Variants in CHMP7 observed in about 807,000 individuals in gnomAD.
The protein encoded by CHMP7 is charged multivesicular body protein 7.
In CHMP7, 15 loss-of-function variants were observed where a neutral mutation model predicts 53.7. That is an observed-to-expected ratio of 0.28 (90% CI 0.19 to 0.43). The LOEUF (loss-of-function observed/expected upper bound fraction) is 0.43. Among genes scored for constraint, CHMP7 ranks in the 20% least tolerant of loss-of-function variants. The pLI is 1.00. For synonymous variants in CHMP7, 261 were observed against 228.0 expected (o/e 1.14, Z -1.30); for missense variants, 527 against 569.4 (o/e 0.93, Z 0.76).
Position 23,260,785 on chromosome 8 carries a change from T to A in CHMP7, c.*186T>A. On this transcript the variant is annotated 3_prime_UTR_variant, in exon 11 of 11. Coordinates refer to ENST00000397677, the MANE Select transcript of CHMP7 (RefSeq NM_152272.5). ...TTCTGGAAGCGATGCTCCAAAGGCT[T>A]GCTCCCAGCTGTATCATGGACCTGC... 1.6e-6 allele frequency: 1 copy of A among 618,536 alleles called. No homozygotes were observed. Among genetic ancestry groups the A allele is most frequent in the East Asian group, 2.7e-5 (1 of 36,728 alleles). 38.3% of individuals were successfully genotyped at this position (618,536 alleles called of 1,614,324 possible).
At position 23,261,080 on chromosome 8, in the gene CHMP7, AATACTT is replaced by A. The variant is rs138642185; in HGVS notation, c.*483_*488del. On this transcript the variant is annotated 3_prime_UTR_variant, in exon 11 of 11. Coordinates refer to ENST00000397677, the MANE Select transcript of CHMP7 (RefSeq NM_152272.5). ...ATTTCACTGGTAAGAATGAGAATGA[AATACTT>A]AAAGGTTTTATTTGAGGGGACTTAG... 0.053 allele frequency: 8,563 copies of A among 160,526 alleles called. 320 individuals carry two copies. Among genetic ancestry groups the A allele is most frequent in the Non-Finnish European group, 0.08 (5,860 of 73,092 alleles). 9.9% of individuals were successfully genotyped at this position (160,526 alleles called of 1,614,324 possible).
intron 1 of CHMP7, among the ~76,000 whole-genome samples, chr8:23,245,777 T>C (rs1306901785): frequency 3.9e-5 from 6 of 152,268 alleles, no homozygotes; most frequent in Admixed American, 6.5e-5. Flanking sequence ...TGGATGTTGT[T>C]AATTATTGAT....
rs1802128882 is a variant in CHMP7, at chr8:23,256,450, T to C, written c.658-10T>C. 1 of 1,595,054 alleles carries C rather than the reference T, an allele frequency of 6.3e-7. No homozygotes were observed. Among genetic ancestry groups the C allele is most frequent in the East Asian group, 2.2e-5 (1 of 44,788 alleles). The stretch of plus-strand genomic sequence containing the variant: ...GGTAGCAGCAGTAGTAATTTCTCCC[T>C]GTCCCTCAGATTGTGAAGTTTGCCC... On this transcript the variant is annotated splice_polypyrimidine_tract_variant and intron_variant, in intron 4 of 10. Coordinates refer to ENST00000397677, the MANE Select transcript of CHMP7 (RefSeq NM_152272.5).
chr8:23,249,749 A>G (rs1801846424), intron 3 of CHMP7, among the ~76,000 whole-genome samples: 1 of 152,106 alleles, frequency 6.6e-6, no homozygotes, highest in South Asian at 2.1e-4. Flanking sequence ...AAACTGGCCC[A>G]CTCAGCTCCA....
At chr8:23,255,022 C>T (rs1802068403) in intron 3 of CHMP7, 1 of 582,568 alleles carries the variant, frequency 1.7e-6, no homozygotes, top group Non-Finnish European at 3.1e-6. Flanking sequence ...GAGCTGGCTC[C>T]CAGCATCTCA....
chr8:23,255,509 G>C, intron 4 of CHMP7, 77 bp downstream of exon 4: 1 of 1,457,608 alleles, frequency 6.9e-7, no homozygotes, highest in Non-Finnish European at 9.5e-7. Context: ...CCTTATCTCA[G>C]ATTTTGGTTT....
rs561777802 is a variant in CHMP7, at chr8:23,259,306, C to T, written c.1120+180C>T. On this transcript the variant is annotated intron_variant, in intron 9 of 10. Transcript: ENST00000397677. ...GCCTCAGCCTCCCAAGTAGCTGGGA[C>T]TACAGGCGCCTGCCACTATGCCCGG... Among the ~76,000 whole-genome samples the T allele has an allele frequency of 3.2e-3, 466 of 146,886 alleles. 2 individuals are homozygous for T. Among genetic ancestry groups the T allele is most frequent in the Middle Eastern group, 0.011 (3 of 284 alleles).
intron 8 of CHMP7, 101 bp downstream of exon 8, chr8:23,258,931 T>C: frequency 9.4e-7 from 1 of 1,058,944 alleles, no homozygotes; most frequent in Admixed American, 1.7e-5. Context: ...ACTTGTGACC[T>C]TGTGAACTTG....
Position 23,249,286 on chromosome 8 carries a change from T to A in CHMP7, c.376T>A (p.Phe126Ile). ...CTGGATCTCCTGGGGGGTTGGGGTC[T>A]TCCTGCTGAAGCCTCTCAAGTGGAC... ...SSWISWGVGVFLLKPLKWTLS... is the reference protein window; with the variant it reads ...SSWISWGVGVILLKPLKWTLS... Residue 126 changes from phenylalanine to isoleucine, a missense_variant, in exon 3 of 11, where the codon TTC becomes ATC. Coordinates refer to ENST00000397677, the MANE Select transcript of CHMP7 (RefSeq NM_152272.5). 1 of 1,613,496 alleles carries A rather than the reference T, an allele frequency of 6.2e-7. No individual in the cohort carries two copies. Among genetic ancestry groups the A allele is most frequent in the Non-Finnish European group, 8.5e-7 (1 of 1,179,744 alleles).
In CHMP7 at chr8:23,246,570, G is replaced by A. The variant is rs956490205; in HGVS notation, c.-126G>A. ...TGAAGACTTATGGAACTTATTTCACGCTCAGGGCGGCGGTGACGTGTGAAC... is the reference window on the plus strand; with the variant it reads ...TGAAGACTTATGGAACTTATTTCACACTCAGGGCGGCGGTGACGTGTGAAC... On this transcript the variant is annotated 5_prime_UTR_variant, in exon 2 of 11. Transcript: ENST00000397677. 8 of 761,134 alleles carry A rather than the reference G, an allele frequency of 1.1e-5. No homozygotes were observed. The highest frequency in any genetic ancestry group is 1.0e-4 in the African/African-American group (6 of 57,146). The allele number at this position is 761,134 out of a possible 1,614,324, so 47.1% of individuals were successfully genotyped here. A position where few individuals can be genotyped will look rare whatever the true frequency, so the allele number is the denominator to read the frequency against.
At position 23,259,140 on chromosome 8, in the gene CHMP7, G is replaced by A. The variant is rs754040362; in HGVS notation, c.1120+14G>A. The A allele has an allele frequency of 3.8e-6, 5 of 1,327,402 alleles. No homozygotes were observed. In the East Asian group the frequency reaches 6.9e-5, roughly 18 times the overall value. 82.2% of individuals were successfully genotyped at this position (1,327,402 alleles called of 1,614,324 possible). A position where few individuals can be genotyped will look rare whatever the true frequency, so the allele number is the denominator to read the frequency against. ...CAAATGGCTTAGGTGAGTGGACAAGGTGGTTATTTTTATTTTTATTCATTT... is the reference window on the plus strand; with the variant it reads ...CAAATGGCTTAGGTGAGTGGACAAGATGGTTATTTTTATTTTTATTCATTT... On this transcript the variant is annotated intron_variant, in intron 9 of 10. Coordinates refer to ENST00000397677, the MANE Select transcript of CHMP7 (RefSeq NM_152272.5).
chr8:23,253,992 T>C (rs1012416891), intron 3 of CHMP7, among the ~76,000 whole-genome samples: 4 of 152,190 alleles, frequency 2.6e-5, no homozygotes, highest in Non-Finnish European at 4.4e-5. Context: ...TCATAAGATA[T>C]TACACTTTCT....
intron 2 of CHMP7, among the ~76,000 whole-genome samples, chr8:23,247,360 T>G (rs1428176092): frequency 6.6e-6 from 1 of 152,054 alleles, no homozygotes; most frequent in Non-Finnish European, 1.5e-5. Flanking sequence ...GTCTAAGAGA[T>G]AGGATTCATT....
Position 23,246,839 on chromosome 8 carries a change from C to G in CHMP7, c.144C>G (p.Asp48Glu). The G allele has an allele frequency of 6.2e-7, 1 of 1,600,498 alleles. No homozygotes were observed. Among genetic ancestry groups the G allele is most frequent in the Non-Finnish European group, 8.5e-7 (1 of 1,173,920 alleles). The change falls in exon 2 of 11, where the codon GAC becomes GAG. Residue 48 changes from aspartate (D) to glutamate (E), a missense_variant. Transcript: ENST00000397677. Reference protein sequence around the residue: ...FKRSREVNSTDWDSKMGFWAP... With the variant: ...FKRSREVNSTEWDSKMGFWAP... The stretch of plus-strand genomic sequence containing the variant: ...GGAGTCGCGAGGTGAACAGCACCGA[C>G]TGGGACAGCAAGATGGGCTTCTGGG...
In CHMP7 at chr8:23,246,591, TG is replaced by T. The variant is rs1429364927; in HGVS notation, c.-104del. The T allele has an allele frequency of 3.5e-5, 33 of 947,630 alleles. No homozygotes were observed. The highest frequency in any genetic ancestry group is 5.1e-5 in the Non-Finnish European group (33 of 644,678). The allele number at this position is 947,630 out of a possible 1,614,324, so 58.7% of individuals were successfully genotyped here. On this transcript the variant is annotated 5_prime_UTR_variant, in exon 2 of 11. The change abolishes the stop of an existing upstream ORF in the 5' untranslated region. Transcript: ENST00000397677. ...TCACGCTCAGGGCGGCGGTGACGTG[TG>T]AACGAGAAGGAGGTGGTCAAGGAAC...
intron 2 of CHMP7, chr8:23,248,052 TC>T (rs1801779816): frequency 2.2e-6 from 1 of 456,002 alleles, no homozygotes; most frequent in Admixed American, 2.4e-5. Context: ...ACTCAAGCGA[TC>T]CTCCCACCTC....
At chr8:23,254,624 C>T (rs1456997821) in intron 3 of CHMP7, among the ~76,000 whole-genome samples, 1 of 152,002 alleles carries the variant, frequency 6.6e-6, no homozygotes, top group Non-Finnish European at 1.5e-5. Flanking sequence ...TGGTCTCGAA[C>T]TCCTGACCTC....
At chr8:23,248,115 C>T (rs1801782928) in intron 2 of CHMP7, 2 of 456,014 alleles carry the variant, frequency 4.4e-6, no homozygotes, top group South Asian at 3.1e-5. Flanking sequence ...ACCTGGCCAA[C>T]GAGGCTTTCT....
At chr8:23,259,654 G>C (rs1405961299) in intron 9 of CHMP7, among the ~76,000 whole-genome samples, 3 of 152,154 alleles carry the variant, frequency 2.0e-5, no homozygotes, top group African/African-American at 7.2e-5. Context: ...CACCACACCT[G>C]GCCCAAGGTG....
Sources: allele counts gnomAD v4.1 joint callset (sites outside exome capture counted in the v4.1 genomes callset), GRCh38; gene constraint gnomAD v4.1.1; transcripts MANE v1.5; gene names NCBI Gene and HGNC (gene_info 2026-07-23, HGNC 2026-07-21).